FBXL2: variants seen among roughly 807,000 people sequenced by gnomAD.
The protein encoded by FBXL2 is F-box/LRR-repeat protein 2.
FBXL2 carries 38 observed loss-of-function variants against 69.2 expected under a neutral mutation model. That is an observed-to-expected ratio of 0.55 (90% CI 0.42 to 0.72). The LOEUF is 0.72. Among genes scored for constraint, FBXL2 ranks in the 30% least tolerant of loss-of-function variants. The pLI is 0.00. For missense variants in FBXL2, 354 were observed against 520.3 expected (o/e 0.68, Z 3.11); for synonymous variants, 192 against 201.3 (o/e 0.95, Z 0.39).
intron 2 of FBXL2, among the ~76,000 whole-genome samples, chr3:33,318,893 A>G (rs1469315967): frequency 6.6e-6 from 1 of 152,196 alleles, no homozygotes; most frequent in Non-Finnish European, 1.5e-5. Flanking sequence ...TTTCATGGCT[A>G]GATCTCAGTT....
chr3:33,345,333 A>G (rs916370018), intron 2 of FBXL2, among the ~76,000 whole-genome samples: 17 of 152,158 alleles, frequency 1.1e-4, no homozygotes, highest in Admixed American at 1.0e-3. Flanking sequence ...GGTAATATTC[A>G]CAGGTTCTGT....
chr3:33,335,101 A>AAATAAT (rs148912671), intron 2 of FBXL2, among the ~76,000 whole-genome samples: 1 of 151,146 alleles, frequency 6.6e-6, no homozygotes, highest in African/African-American at 2.5e-5. Flanking sequence ...ACCTTGTCTC[A>AAATAAT]AATAATAATA....
chr3:33,290,839 AAGG>A (rs146313580), intron 1 of FBXL2, among the ~76,000 whole-genome samples: 3,189 of 152,308 alleles, frequency 0.021, 57 homozygotes, highest in Admixed American at 0.059. Flanking sequence ...GAAATCTTAA[AAGG>A]AGGTAGAAAA....
chr3:33,310,979 G>T (rs1399551287), intron 2 of FBXL2, among the ~76,000 whole-genome samples: 1 of 152,000 alleles, frequency 6.6e-6, no homozygotes, highest in African/African-American at 2.4e-5. Flanking sequence ...GTTTCACCAT[G>T]ATGGCTAGGC....
chr3:33,407,547 TA>T (rs35830232), downstream of FBXL2, among the ~76,000 whole-genome samples: 18,969 of 135,474 alleles, frequency 0.14, 1,230 homozygotes, highest in African/African-American at 0.18. Flanking sequence ...CGAATTTATT[TA>T]AAAAAAAAAA....
chr3:33,302,520 T>C (rs1381785383), intron 2 of FBXL2, among the ~76,000 whole-genome samples: 1 of 152,308 alleles, frequency 6.6e-6, no homozygotes, highest in Non-Finnish European at 1.5e-5. Context: ...CTTTCAGATG[T>C]TAGTGATGAA....
chr3:33,303,596 G>A (rs145319253), intron 2 of FBXL2, among the ~76,000 whole-genome samples: 12 of 152,158 alleles, frequency 7.9e-5, no homozygotes, highest in Non-Finnish European at 1.0e-4. Context: ...TTATATTAGA[G>A]ATCTATTCAT....
At chr3:33,317,469 A>G (rs775092978) in intron 2 of FBXL2, 7 of 456,500 alleles carry the variant, frequency 1.5e-5, no homozygotes, top group Middle Eastern at 3.2e-4. Context: ...CTCTCACCCC[A>G]TATTCAGGAG....
At chr3:33,370,349 C>T (rs71325139) in intron 5 of FBXL2, among the ~76,000 whole-genome samples, 8 of 148,424 alleles carry the variant, frequency 5.4e-5, no homozygotes, top group African/African-American at 2.0e-4. Context: ...ACCCGGGAGG[C>T]GGAGCTTGCA....
the FBXL2 span, chr3:33,409,513 T>C: frequency 1.2e-6 from 2 of 1,613,958 alleles, no homozygotes; most frequent in Non-Finnish European, 1.7e-6. Flanking sequence ...ATTTTCATTC[T>C]GCTTAAAGGT....
At chr3:33,354,514 A>G (rs1000335190) in intron 2 of FBXL2, among the ~76,000 whole-genome samples, 10 of 147,660 alleles carry the variant, frequency 6.8e-5, no homozygotes, top group South Asian at 4.2e-4. Flanking sequence ...CTCCATCTGG[A>G]AAAAAAAAAA....
intron 2 of FBXL2, among the ~76,000 whole-genome samples, chr3:33,351,329 C>T (rs950312789): frequency 6.6e-6 from 1 of 152,132 alleles, no homozygotes; most frequent in Non-Finnish European, 1.5e-5. Context: ...GTTACAGGAT[C>T]TAACATTAAT....
In FBXL2 at chr3:33,352,566, G is replaced by C. The variant is rs992089059; in HGVS notation, c.66-6401G>C. ...TTGCCAAATGTATAATAAAGGACTT[G>C]TGTGCAATATATGTAAAGAACTTTT... On this transcript the variant is annotated intron_variant, in intron 2 of 14. Coordinates refer to ENST00000484457, the MANE Select transcript of FBXL2 (RefSeq NM_012157.5). Among the ~76,000 whole-genome samples the C allele has an allele frequency of 3.3e-5, 5 of 152,296 alleles. No homozygotes were observed. In the East Asian group the frequency reaches 9.7e-4, roughly 29 times the overall value.
chr3:33,385,885 T>C lies in FBXL2; in HGVS notation c.*277T>C, dbSNP rs938456130. 13 of 458,618 alleles carry C rather than the reference T, an allele frequency of 2.8e-5. No homozygotes were observed. Among genetic ancestry groups the C allele is most frequent in the Middle Eastern group, 6.1e-4 (1 of 1,642 alleles). The allele number at this position is 458,618 out of a possible 1,614,324, so 28.4% of individuals were successfully genotyped here. Reference sequence around the variant, plus strand: ...CCAGAAACCTGGATCTCTTAAGAGATTGGTACCTACCTAGGTACGAAAGTT... The same window carrying C: ...CCAGAAACCTGGATCTCTTAAGAGACTGGTACCTACCTAGGTACGAAAGTT... On this transcript the variant is annotated 3_prime_UTR_variant, in exon 15 of 15. Transcript: ENST00000484457.
downstream of FBXL2, among the ~76,000 whole-genome samples, chr3:33,405,283 A>G (rs2044387312): frequency 6.6e-6 from 1 of 152,218 alleles, no homozygotes. Flanking sequence ...AGAAGGAAGA[A>G]CAGAGTAAAA....
chr3:33,373,020 G>C (rs759360953), intron 5 of FBXL2, 72 bp from the exon 6 acceptor site: 29 of 1,289,632 alleles, frequency 2.2e-5, no homozygotes, highest in Non-Finnish European at 3.1e-5. Context: ...TTCTAAGCGT[G>C]AATGGTTTCA....
chr3:33,396,466 G>T (rs923971694), intron 12 of FBXL2: 2 of 510,632 alleles, frequency 3.9e-6, no homozygotes, highest in African/African-American at 3.8e-5. Flanking sequence ...TATCACAGGT[G>T]GTCTAATATG....
At chr3:33,352,450 G>A (rs2040890998) in intron 2 of FBXL2, among the ~76,000 whole-genome samples, 2 of 152,302 alleles carry the variant, frequency 1.3e-5, no homozygotes, top group Non-Finnish European at 2.9e-5. Context: ...GAAAGGAAAA[G>A]TGAGTAAATT....
In FBXL2 at chr3:33,378,159, C is replaced by T. The variant is rs1272786358; in HGVS notation, c.894+12C>T. ...AAGAATGCATCCTGGTGAGTGGACTCCTGACAGCCCTGCAGGGCAGCCTGC... is the reference window on the plus strand; with the variant it reads ...AAGAATGCATCCTGGTGAGTGGACTTCTGACAGCCCTGCAGGGCAGCCTGC... On this transcript the variant is annotated intron_variant, in intron 12 of 14. Coordinates refer to ENST00000484457, the MANE Select transcript of FBXL2 (RefSeq NM_012157.5). 1 of 1,613,828 alleles carries T rather than the reference C, an allele frequency of 6.2e-7. No homozygotes were observed. The highest frequency in any genetic ancestry group is 1.7e-5 in the Admixed American group (1 of 60,028).
Sources: gnomAD v4.1 joint callset for allele counts (sites outside exome capture counted in the v4.1 genomes callset) on GRCh38, gnomAD v4.1.1 for gene constraint, MANE v1.5 for transcripts, NCBI Gene and HGNC (gene_info 2026-07-23, HGNC 2026-07-21) for gene names.